Variants in NEB observed in about 807,000 individuals in gnomAD.
The protein encoded by NEB is nemaline myopathy type 2.
In NEB, 512 loss-of-function variants were observed where a neutral mutation model predicts 952.2. The observed-to-expected ratio is 0.54, with a 90% CI of 0.50 to 0.58. NEB has a LOEUF of 0.58. Among genes scored for constraint, NEB ranks in the 20% least tolerant of loss-of-function variants. The pLI is 0.00. For missense variants in NEB, 8,428 were observed against 9,231.1 expected, an observed-to-expected ratio of 0.91 and a Z score of 3.56; for synonymous variants, 2,900 against 3,149.8, an observed-to-expected ratio of 0.92 and a Z score of 2.66.
chr2:151,638,267 G>T (rs2098799405), intron 63 of NEB, among the ~76,000 whole-genome samples: 1 of 152,208 alleles, frequency 6.6e-6, no homozygotes, highest in South Asian at 2.1e-4. Flanking sequence ...ATGCAGAATA[G>T]AGGTCATATG....
At chr2:151,630,045 A>T (rs983171029) in intron 67 of NEB, among the ~76,000 whole-genome samples, 5 of 152,138 alleles carry the variant, frequency 3.3e-5, no homozygotes, top group African/African-American at 9.7e-5. Flanking sequence ...TATACGTATA[A>T]AAATATATTT....
intron 119 of NEB, 52 bp downstream of exon 119, chr2:151,563,554 G>T: frequency 1.4e-6 from 2 of 1,465,942 alleles, no homozygotes; most frequent in Non-Finnish European, 1.9e-6. Flanking sequence ...AGGCAGACAC[G>T]GCAGCACACT....
intron 17 of NEB, 33 bp from the exon 18 acceptor site, chr2:151,695,715 G>T (rs1286119155): frequency 1.3e-6 from 2 of 1,484,992 alleles, no homozygotes; most frequent in Non-Finnish European, 1.9e-6. Context: ...TAGTTCAGAA[G>T]AATTGTTCCA....
In NEB at chr2:151,553,854, T is replaced by C. The variant is rs1463382075; in HGVS notation, c.19600A>G (p.Arg6534Gly). ...HPDLQVNDHV[R>G]KVTDQISDIV... ...TCGCTGATCTGATCTGTGACTTTCC[T>C]GACGTGATCATTGACTTGCAAGTCG... Residue 6534 changes from arginine to glycine, a missense_variant, in exon 126 of 182, where the codon AGG becomes GGG. Coordinates refer to ENST00000397345, the MANE Select transcript of NEB (RefSeq NM_001164508.2). 6.2e-7 allele frequency: 1 copy of C among 1,613,286 alleles called. No homozygotes were observed. The highest frequency in any genetic ancestry group is 1.3e-5 in the African/African-American group (1 of 74,936).
chr2:151,698,771 G>C (rs1486938918), intron 13 of NEB, among the ~76,000 whole-genome samples: 2 of 151,268 alleles, frequency 1.3e-5, no homozygotes, highest in African/African-American at 4.9e-5. Flanking sequence ...CCGAGTAGCT[G>C]GGACTACAGG....
At position 151,567,096 on chromosome 2, in the gene NEB, T is replaced by C. The variant is rs1011781753; in HGVS notation, c.18156+72A>G. On this transcript the variant is annotated intron_variant, in intron 114 of 181. Coordinates refer to ENST00000397345, the MANE Select transcript of NEB (RefSeq NM_001164508.2). Reference sequence around the variant, plus strand: ...GCCTCAAATTTCAAGCACTTGTGGATCTGGGATGTTGCTCATCATTCTCAG... The same window carrying C: ...GCCTCAAATTTCAAGCACTTGTGGACCTGGGATGTTGCTCATCATTCTCAG... 3 of 1,317,344 alleles carry C rather than the reference T, an allele frequency of 2.3e-6. No individual in the cohort carries two copies. The East Asian group carries it at 7.0e-5, about 31-fold the overall frequency. 81.6% of individuals were successfully genotyped at this position (1,317,344 alleles called of 1,614,324 possible).
At chr2:151,635,898 C>T (rs1273686974) in intron 64 of NEB, among the ~76,000 whole-genome samples, 1 of 152,116 alleles carries the variant, frequency 6.6e-6, no homozygotes, top group Admixed American at 6.5e-5. Context: ...TGAGTTATAT[C>T]TTCTATAAGC....
At chr2:151,627,892 ATTAAT>A in intron 68 of NEB, 58 bp from the exon 69 acceptor site, 1 of 1,542,596 alleles carries the variant, frequency 6.5e-7, no homozygotes, top group Non-Finnish European at 8.7e-7. Flanking sequence ...TAGAAGCCTC[ATTAAT>A]TTAAAACTTT....
At chr2:151,497,126 C>G in intron 171 of NEB, 93 bp from the exon 172 acceptor site, 1 of 1,428,926 alleles carries the variant, frequency 7.0e-7, no homozygotes, top group East Asian at 2.5e-5. Flanking sequence ...CTTGTTAAGA[C>G]AAAACACAGT....
At position 151,576,324 on chromosome 2, in the gene NEB, G is replaced by A. The variant is rs762876022; in HGVS notation, c.16735C>T (p.Arg5579Cys). Residue 5579 changes from arginine to cysteine, a missense_variant, in exon 106 of 182, where the codon CGT (arginine) becomes TGT (cysteine). Physicochemically the swap from Arg to Cys is radical, Grantham distance 180 (BLOSUM62 -3). Coordinates refer to ENST00000397345, the MANE Select transcript of NEB (RefSeq NM_001164508.2). Reference sequence around the variant, plus strand: ...CCTTGGGGCATCCAGCCAATGCCACGCAACCACTCCAAGTCAGCCTTGTAG... The same window carrying A: ...CCTTGGGGCATCCAGCCAATGCCACACAACCACTCCAAGTCAGCCTTGTAG... ...ALYKADLEWL[R>C]GIGWMPQGSP... The A allele has an allele frequency of 2.4e-5, 38 of 1,607,900 alleles. No homozygotes were observed. The highest frequency in any genetic ancestry group is 4.5e-5 in the East Asian group (2 of 44,838).
intron 81 of NEB, among the ~76,000 whole-genome samples, 176 bp from the exon 82 acceptor site, chr2:151,608,852 G>A (rs1456066846): frequency 4.4e-5 from 4 of 90,114 alleles, no homozygotes; most frequent in Admixed American, 2.8e-4. Context: ...GCAGTGAGCC[G>A]AGACTGTGCC....
At chr2:151,657,645 G>A (rs938910240) in intron 48 of NEB, among the ~76,000 whole-genome samples, 7 of 152,236 alleles carry the variant, frequency 4.6e-5, no homozygotes, top group South Asian at 2.1e-4. Context: ...AATCAGATCC[G>A]AAGAAGCAGG....
intron 181 of NEB, among the ~76,000 whole-genome samples, chr2:151,488,381 T>A (rs1462612706): frequency 6.6e-6 from 1 of 151,648 alleles, no homozygotes; most frequent in Non-Finnish European, 1.5e-5. Flanking sequence ...GCTGAGTGGC[T>A]GATGCCTGTA....
At chr2:151,643,075 T>G (rs901660917) in intron 58 of NEB, 75 bp downstream of exon 58, 3 of 1,456,422 alleles carry the variant, frequency 2.1e-6, no homozygotes, top group African/African-American at 1.4e-5. Context: ...ACAAGTTTTC[T>G]TTTATACAAA....
At chr2:151,562,308 T>A (rs1577645055) in intron 120 of NEB, 94 bp from the exon 121 acceptor site, 1 of 1,107,644 alleles carries the variant, frequency 9.0e-7, no homozygotes, top group Non-Finnish European at 1.4e-6. Flanking sequence ...CTGTGCTTAT[T>A]GCTTAGAAGA....
intron 53 of NEB, 40 bp from the exon 54 acceptor site, chr2:151,650,419 A>G: frequency 6.3e-7 from 1 of 1,586,662 alleles, no homozygotes. Context: ...TCCCATTCTC[A>G]CCTGGACCCT....
At position 151,570,106 on chromosome 2, in the gene NEB, T is replaced by C. The variant is rs1170255834; in HGVS notation, c.17405A>G (p.Lys5802Arg). The C allele has an allele frequency of 6.2e-7, 1 of 1,611,328 alleles. No homozygotes were observed. The highest frequency in any genetic ancestry group is 8.5e-7 in the Non-Finnish European group (1 of 1,178,878). ...MPDQNDVIQA[K>R]KAYELQSDNV... ...ATCGCTCTGCAGTTCGTAGGCCTTC[T>C]TGGCCTGAATCACATCGTTCTGGTC... The change falls in exon 109 of 182, where the codon AAG becomes AGG. Residue 5802 changes from lysine (K) to arginine (R), a missense_variant. Physicochemically the swap from Lys to Arg is conservative, Grantham distance 26 (BLOSUM62 2). Transcript: ENST00000397345.
chr2:151,727,509 T>G (rs948245369), intron 5 of NEB, among the ~76,000 whole-genome samples, 182 bp downstream of exon 5: 3 of 152,198 alleles, frequency 2.0e-5, no homozygotes, highest in African/African-American at 7.2e-5. Context: ...TATGCTGCAA[T>G]GGTATAAATG....
intron 142 of NEB, chr2:151,534,306 G>A: frequency 6.2e-7 from 1 of 1,613,172 alleles, no homozygotes; most frequent in Non-Finnish European, 8.5e-7. Flanking sequence ...CTCATAATCA[G>A]CTCTGTATTT....
Sources: allele counts gnomAD v4.1 joint callset (sites outside exome capture counted in the v4.1 genomes callset), GRCh38; gene constraint gnomAD v4.1.1; transcripts MANE v1.5; gene names NCBI Gene and HGNC (gene_info 2026-07-23, HGNC 2026-07-21).